The following UBXN2A variants were observed in gnomAD, a reference collection of about 807,000 sequenced individuals.
The protein encoded by UBXN2A is UBX domain protein 2A.
A neutral mutation model predicts 28.4 loss-of-function variants in UBXN2A; 28 were observed. The ratio of observed to expected loss-of-function variants is 0.99; its 90% CI spans 0.73 to 1.35. The LOEUF is 1.35. Ranked by LOEUF, UBXN2A falls within the 40% of genes most tolerant of loss-of-function variation. UBXN2A has a pLI of 0.00. For synonymous variants in UBXN2A, 97 were observed against 103.6 expected (o/e 0.94, Z 0.39); for missense variants, 253 against 297.9 (o/e 0.85, Z 1.11).
At chr2:23,940,893 C>G (rs1386844350) in intron 1 of UBXN2A, among the ~76,000 whole-genome samples, 2 of 152,124 alleles carry the variant, frequency 1.3e-5, no homozygotes, top group South Asian at 2.1e-4. Context: ...TCGCCTGCGG[C>G]TTGACTTGCG....
chr2:23,935,658 G>A (rs148322593), upstream of UBXN2A, among the ~76,000 whole-genome samples: 2 of 152,314 alleles, frequency 1.3e-5, no homozygotes, highest in East Asian at 1.9e-4. Context: ...ATCGCTGGTA[G>A]GAATGTAAGA....
chr2:23,971,393 T>C lies in UBXN2A; in HGVS notation c.159T>C (p.Ser53=). 6.4e-7 allele frequency: 1 copy of C among 1,559,960 alleles called. No homozygotes were observed. The highest frequency in any genetic ancestry group is 8.7e-7 in the Non-Finnish European group (1 of 1,142,896). The stretch of plus-strand genomic sequence containing the variant: ...AGAAGGTTAGTTCCAAATGTGTGTC[T>C]CCCGCTGAACAGAAGAAACAGGTAA... ...EAQKVSSKCV[S]PAEQKKQVDV... Residue 53 remains serine, a synonymous_variant, in exon 3 of 7, where the codon TCT becomes TCC. Transcript: ENST00000309033.
At chr2:23,948,378 A>T (rs1295864459) in intron 1 of UBXN2A, among the ~76,000 whole-genome samples, 1 of 148,968 alleles carries the variant, frequency 6.7e-6, no homozygotes, top group African/African-American at 2.5e-5. Flanking sequence ...TCAGCCTCCC[A>T]AGTAGCTGGG....
intron 1 of UBXN2A, among the ~76,000 whole-genome samples, chr2:23,941,484 A>G (rs1705754642): frequency 6.6e-6 from 1 of 152,202 alleles, no homozygotes; most frequent in Admixed American, 6.5e-5. Flanking sequence ...AAAATGTGTA[A>G]AAAATGTGTG....
chr2:23,933,270 G>A (rs1705429311), intron 1 of UBXN2A, among the ~76,000 whole-genome samples: 1 of 152,126 alleles, frequency 6.6e-6, no homozygotes, highest in Admixed American at 6.5e-5. Flanking sequence ...ACTTTGGGAG[G>A]CCAAGGCAGG....
At chr2:23,943,563 T>C (rs1039020308) in intron 1 of UBXN2A, among the ~76,000 whole-genome samples, 23 of 151,956 alleles carry the variant, frequency 1.5e-4, no homozygotes, top group Admixed American at 9.2e-4. Flanking sequence ...TCTTGGCTCA[T>C]GGCAACTTCT....
At chr2:23,952,760 G>A (rs1400769278) in intron 1 of UBXN2A, among the ~76,000 whole-genome samples, 1 of 152,058 alleles carries the variant, frequency 6.6e-6, no homozygotes, top group African/African-American at 2.4e-5. Context: ...TGTATTTTTT[G>A]TAGAGATGGG....
At chr2:23,941,706 T>C (rs1434927196) in intron 1 of UBXN2A, among the ~76,000 whole-genome samples, 1 of 152,226 alleles carries the variant, frequency 6.6e-6, no homozygotes, top group African/African-American at 2.4e-5. Flanking sequence ...TACTGAATGC[T>C]AAGGATACAA....
At chr2:23,938,555 CTTT>C (rs561919115), upstream of UBXN2A, among the ~76,000 whole-genome samples, 4 of 127,556 alleles carry the variant, frequency 3.1e-5, no homozygotes, top group Admixed American at 8.1e-5. Context: ...CCCCCCCTCC[CTTT>C]TTTTTTTTTT....
chr2:23,929,841 G>C (rs374550493), intron 1 of UBXN2A, among the ~76,000 whole-genome samples: 23 of 152,166 alleles, frequency 1.5e-4, no homozygotes, highest in African/African-American at 5.5e-4. Context: ...TCCTAAATTG[G>C]GAAGGCCAAG....
At chr2:23,945,418 AT>A (rs1272393136) in intron 1 of UBXN2A, among the ~76,000 whole-genome samples, 1 of 152,230 alleles carries the variant, frequency 6.6e-6, no homozygotes, top group African/African-American at 2.4e-5. Context: ...GTAAACCAGA[AT>A]TCACAAAATA....
intron 3 of UBXN2A, among the ~76,000 whole-genome samples, chr2:23,972,866 T>G (rs993136456): frequency 3.5e-4 from 53 of 152,232 alleles, no homozygotes; most frequent in African/African-American, 1.2e-3. Context: ...ATCTCAAACC[T>G]TGAATACACA....
chr2:23,931,091 A>C (rs1246016356), intron 1 of UBXN2A, among the ~76,000 whole-genome samples: 2 of 152,084 alleles, frequency 1.3e-5, no homozygotes. Flanking sequence ...CTCAGGTTGC[A>C]GTGAGCCAAG....
chr2:23,987,516 C>T (rs1334395517), intron 6 of UBXN2A, among the ~76,000 whole-genome samples: 1 of 152,106 alleles, frequency 6.6e-6, no homozygotes, highest in African/African-American at 2.4e-5. Context: ...CGGTGGCTCA[C>T]GCCTGTAATC....
rs546178999 is a variant in UBXN2A, at chr2:23,932,053, T to C, written c.-138+4438T>C. ...AGAAAAAGCAGGCCAGGTGCAGTGG[T>C]TCTCGCCTGTAATCCCAGAACTTTG... On this transcript the variant is annotated intron_variant, in intron 1 of 7. Transcript: ENST00000404924. 2.0e-5 allele frequency among the ~76,000 whole-genome samples: 3 copies of C among 149,092 alleles called. No homozygotes were observed. The South Asian group carries it at 6.4e-4, about 32-fold the overall frequency.
intron 3 of UBXN2A, 52 bp from the exon 4 acceptor site, chr2:23,976,917 A>T (rs1011094002): frequency 9.5e-6 from 14 of 1,476,254 alleles, no homozygotes; most frequent in Non-Finnish European, 1.3e-5. Context: ...AGGACTTTCA[A>T]TCCTACTACA....
intron 1 of UBXN2A, among the ~76,000 whole-genome samples, chr2:23,930,286 GTAAA>G (rs980993611): frequency 5.9e-5 from 9 of 152,072 alleles, no homozygotes; most frequent in Non-Finnish European, 1.0e-4. Context: ...AAATATATAA[GTAAA>G]TAAATAAATC....
At chr2:23,944,300 A>C in intron 1 of UBXN2A, 1 of 1,605,090 alleles carries the variant, frequency 6.2e-7, no homozygotes, top group Non-Finnish European at 8.5e-7. Flanking sequence ...ACCAGTCTGG[A>C]GTGGTTGTCC....
intron 6 of UBXN2A, among the ~76,000 whole-genome samples, chr2:23,992,192 G>C (rs1410947990): frequency 6.6e-6 from 1 of 151,876 alleles, no homozygotes; most frequent in Non-Finnish European, 1.5e-5. Context: ...GGCTGGTCTT[G>C]ATCTCCTGAC....
Sources: gnomAD v4.1 joint callset for allele counts (sites outside exome capture counted in the v4.1 genomes callset) on GRCh38, gnomAD v4.1.1 for gene constraint, MANE v1.5 for transcripts, NCBI Gene and HGNC (gene_info 2026-07-23, HGNC 2026-07-21) for gene names.